ROBO1: variants seen among roughly 807,000 people sequenced by gnomAD.
ROBO1 encodes the protein roundabout homolog 1.
Under a neutral mutation model 195.9 loss-of-function variants are expected in ROBO1, and 149 were observed. That is an observed-to-expected ratio of 0.76 (90% CI 0.67 to 0.87). The LOEUF (loss-of-function observed/expected upper bound fraction) is 0.87, where lower values mean the gene tolerates loss of function less well. ROBO1 is among the 40% of genes least tolerant of loss of function. The pLI, the probability that ROBO1 is intolerant of heterozygous loss-of-function variation, is 0.00. For synonymous variants in ROBO1, 816 were observed against 733.2 expected, an observed-to-expected ratio of 1.11 and a Z score of -1.82; for missense variants, 1,933 against 2,068.3, an observed-to-expected ratio of 0.93 and a Z score of 1.27.
chr3:79,077,882 G>A (rs2079200993), intron 3 of ROBO1, among the ~76,000 whole-genome samples: 1 of 151,810 alleles, frequency 6.6e-6, no homozygotes, highest in Non-Finnish European at 1.5e-5. Context: ...TTTTAAGATT[G>A]CTTAAGAAGC....
chr3:79,327,890 A>T (rs1369862245), intron 2 of ROBO1, among the ~76,000 whole-genome samples: 7 of 152,216 alleles, frequency 4.6e-5, no homozygotes, highest in Admixed American at 4.6e-4. Context: ...TACATGAAAC[A>T]GAGTATTAAG....
intron 2 of ROBO1, among the ~76,000 whole-genome samples, chr3:79,575,186 AT>A (rs1943420291): frequency 1.1e-5 from 1 of 89,456 alleles, no homozygotes; most frequent in Non-Finnish European, 2.3e-5. Context: ...TATATATAAC[AT>A]ATATATAAAT....
intron 2 of ROBO1, among the ~76,000 whole-genome samples, chr3:79,461,107 AAT>A (rs1158933741): frequency 6.6e-6 from 1 of 152,214 alleles, no homozygotes; most frequent in Non-Finnish European, 1.5e-5. Flanking sequence ...TATTAAAAAG[AAT>A]TTTAGTCTGA....
At chr3:78,935,122 A>G (rs1208347634) in intron 4 of ROBO1, among the ~76,000 whole-genome samples, 1 of 152,096 alleles carries the variant, frequency 6.6e-6, no homozygotes, top group Non-Finnish European at 1.5e-5. Context: ...AAATGCATAC[A>G]TTTTAGTTCA....
intron 2 of ROBO1, among the ~76,000 whole-genome samples, chr3:79,139,383 T>C (rs1458037823): frequency 6.6e-6 from 1 of 152,126 alleles, no homozygotes; most frequent in East Asian, 1.9e-4. Flanking sequence ...TTAAAACCAT[T>C]TGTTTCCAGA....
At chr3:79,110,663 C>G (rs1455098786) in intron 3 of ROBO1, among the ~76,000 whole-genome samples, 2 of 147,026 alleles carry the variant, frequency 1.4e-5, no homozygotes, top group Non-Finnish European at 3.0e-5. Context: ...TTGCTCTGTG[C>G]CCAGGCTGGG....
chr3:79,541,401 G>A (rs35207390), intron 2 of ROBO1, among the ~76,000 whole-genome samples: 86,432 of 151,422 alleles, frequency 0.57, 24,763 homozygotes, highest in Non-Finnish European at 0.6. Context: ...CCTCCCAGCG[G>A]TGTGTTTGGC....
intron 3 of ROBO1, among the ~76,000 whole-genome samples, chr3:79,049,957 C>T (rs531205026): frequency 2.3e-4 from 35 of 152,262 alleles, no homozygotes; most frequent in African/African-American, 7.9e-4. Context: ...ATTGTCAAGA[C>T]CATTGACGCT....
In ROBO1 at chr3:78,597,540, A is replaced by ATT; in HGVS notation, c.*1371_*1372dup. The ATT allele has an allele frequency of 1.3e-5, 2 of 152,376 alleles. No individual in the cohort carries two copies. Among genetic ancestry groups the ATT allele is most frequent in the South Asian group, 4.2e-4 (2 of 4,812 alleles). 9.4% of individuals were successfully genotyped at this position (152,376 alleles called of 1,614,324 possible). A position where few individuals can be genotyped will look rare whatever the true frequency, so the allele number is the denominator to read the frequency against. ...CTTATCTATCTATGAATAAATGTAC[A>ATT]TTTTTTTCTTCAAATAGCACCAATT... On this transcript the variant is annotated 3_prime_UTR_variant, in exon 31 of 31. Transcript: ENST00000464233.
chr3:78,718,312 GT>G (rs1314844317), intron 5 of ROBO1, among the ~76,000 whole-genome samples: 1 of 152,146 alleles, frequency 6.6e-6, no homozygotes, highest in Non-Finnish European at 1.5e-5. Context: ...TCAAGAAAAT[GT>G]ATTCTAGCAT....
chr3:78,878,281 G>A (rs562885445), intron 4 of ROBO1, among the ~76,000 whole-genome samples: 1 of 152,164 alleles, frequency 6.6e-6, no homozygotes, highest in South Asian at 2.1e-4. Context: ...AAAGCTGTGA[G>A]ATGTGTAATT....
chr3:78,685,150 A>G (rs538408953), intron 10 of ROBO1, among the ~76,000 whole-genome samples: 2 of 152,244 alleles, frequency 1.3e-5, no homozygotes, highest in South Asian at 4.1e-4. Context: ...AAATACATAT[A>G]AATACAGAGA....
At chr3:79,119,995 C>T (rs1035477615) in intron 3 of ROBO1, among the ~76,000 whole-genome samples, 1 of 152,130 alleles carries the variant, frequency 6.6e-6, no homozygotes, top group African/African-American at 2.4e-5. Flanking sequence ...TGGTCTCAAA[C>T]TCCTGACCCA....
At chr3:79,185,531 T>C (rs2108743450) in intron 2 of ROBO1, among the ~76,000 whole-genome samples, 1 of 152,304 alleles carries the variant, frequency 6.6e-6, no homozygotes, top group East Asian at 1.9e-4. Flanking sequence ...TTTGATTTCC[T>C]ATTAGGTATT....
intron 2 of ROBO1, among the ~76,000 whole-genome samples, chr3:79,265,928 A>C (rs1259071284): frequency 3.3e-5 from 5 of 151,588 alleles, no homozygotes; most frequent in Non-Finnish European, 4.4e-5. Context: ...CAAAATGTGA[A>C]ACAACACTAA....
intron 4 of ROBO1, among the ~76,000 whole-genome samples, chr3:78,829,454 T>C (rs536495376): frequency 6.6e-6 from 1 of 152,336 alleles, no homozygotes; most frequent in East Asian, 1.9e-4. Flanking sequence ...AGATTAGCTC[T>C]GTAGGCTTGG....
rs1455978295 is a variant in ROBO1, at chr3:78,657,203, C to T, written c.2509G>A (p.Val837Met). The change falls in exon 18 of 31, where the codon GTG (valine) becomes ATG (methionine). Residue 837 changes from valine to methionine, a missense_variant. By Grantham distance (21) the Val-to-Met change is conservative (BLOSUM62 1). This residue lies in a region of ROBO1 where 1,737 missense variants were observed against 1,882.5 expected (regional missense o/e 0.92). Transcript: ENST00000464233. The part of the protein sequence containing the change: ...NKTVDGSTFS[V>M]VIPFLVPGIR... ...CCAGGAACAAGAAAGGGAATGACCA[C>T]GGAAAAGGTGGAACCATCCACTGTT... 4.3e-6 allele frequency: 7 copies of T among 1,613,354 alleles called. No homozygotes were observed. The highest frequency in any genetic ancestry group is 1.7e-5 in the Admixed American group (1 of 59,924).
Position 78,711,352 on chromosome 3 carries a change from TTCC to T in ROBO1, c.1045+3042_1045+3044del, listed in dbSNP as rs2081700956. Reference sequence around the variant, plus strand: ...CCTTCCTTCCTTCCTTCCTTCCTCCTTCCTTCCTTCCTTCCTTCCTTCCTTCCT... The same window carrying T: ...CCTTCCTTCCTTCCTTCCTTCCTCCTTTCCTTCCTTCCTTCCTTCCTTCCT... On this transcript the variant is annotated intron_variant, in intron 8 of 30. Coordinates refer to ENST00000464233, the MANE Select transcript of ROBO1 (RefSeq NM_002941.4). Among the ~76,000 whole-genome samples the T allele has an allele frequency of 1.4e-3, 50 of 36,450 alleles. 2 individuals carry two copies. The highest frequency in any genetic ancestry group is 1.6e-3 in the Non-Finnish European group (36 of 22,748). 23.9% of individuals were successfully genotyped at this position (36,450 alleles called of 152,430 possible).
chr3:78,969,304 C>G (rs1009457515), intron 3 of ROBO1, among the ~76,000 whole-genome samples: 1 of 152,128 alleles, frequency 6.6e-6, no homozygotes, highest in Non-Finnish European at 1.5e-5. Context: ...AATCAGGTCC[C>G]TACATTCATA....
Sources: gnomAD v4.1 joint callset for allele counts (sites outside exome capture counted in the v4.1 genomes callset) on GRCh38, gnomAD v4.1.1 for gene constraint, gnomAD v4.1.1 regional missense constraint, MANE v1.5 for transcripts, NCBI Gene and HGNC (gene_info 2026-07-23, HGNC 2026-07-21) for gene names.